Variants in AKR1D1 observed in about 807,000 individuals in gnomAD.
AKR1D1 encodes aldo-keto reductase family 1 member D1, also known as delta(4)-3-ketosteroid 5-beta-reductase.
A neutral mutation model predicts 42.6 loss-of-function variants in AKR1D1; 32 were observed. That is an observed-to-expected ratio of 0.75 (90% confidence interval 0.57 to 1.01). The LOEUF (loss-of-function observed/expected upper bound fraction) is 1.01. AKR1D1 is among the 50% of genes least tolerant of loss of function. AKR1D1 has a pLI of 0.00. For missense variants in AKR1D1, 364 were observed against 402.2 expected, an observed-to-expected ratio of 0.91 and a Z score of 0.81; for synonymous variants, 123 against 135.5, an observed-to-expected ratio of 0.91 and a Z score of 0.64.
intron 5 of AKR1D1, among the ~76,000 whole-genome samples, chr7:138,106,207 T>C (rs1393808176): frequency 4.6e-5 from 7 of 152,200 alleles, no homozygotes; most frequent in Non-Finnish European, 8.8e-5. Context: ...TTTGTCAATA[T>C]GTATCAAGGG....
At chr7:138,093,101 G>A (rs1457622372) in intron 3 of AKR1D1, among the ~76,000 whole-genome samples, 4 of 140,472 alleles carry the variant, frequency 2.8e-5, no homozygotes, top group African/African-American at 8.3e-5. Flanking sequence ...ACAGAGTCTC[G>A]CTCTGTTGCC....
At position 138,088,993 on chromosome 7, in the gene AKR1D1, G is replaced by A. The variant is rs147784776; in HGVS notation, c.261+225G>A. On this transcript the variant is annotated intron_variant, in intron 2 of 8. Coordinates refer to ENST00000242375, the MANE Select transcript of AKR1D1 (RefSeq NM_005989.4). ...TTCAACATTCTTGTATCATATTAAC[G>A]AATTATTTATTAGTTTGGGAGAAGT... Among the ~76,000 whole-genome samples, 654 of 152,144 alleles carry A rather than the reference G, an allele frequency of 4.3e-3. 9 individuals carry two copies. The highest frequency in any genetic ancestry group is 0.015 in the African/African-American group (625 of 41,500).
At chr7:138,083,538 G>T (rs1803102373) in intron 1 of AKR1D1, among the ~76,000 whole-genome samples, 1 of 152,086 alleles carries the variant, frequency 6.6e-6, no homozygotes, top group Admixed American at 6.6e-5. Flanking sequence ...TCCATAAGTT[G>T]CCTTTTAACT....
intron 1 of AKR1D1, among the ~76,000 whole-genome samples, chr7:138,083,040 T>G (rs1301194183): frequency 6.6e-6 from 1 of 152,330 alleles, no homozygotes; most frequent in South Asian, 2.1e-4. Flanking sequence ...GATTGCTGGA[T>G]CATATGGTAG....
At chr7:138,077,883 T>C (rs1802973696) in intron 1 of AKR1D1, among the ~76,000 whole-genome samples, 1 of 152,182 alleles carries the variant, frequency 6.6e-6, no homozygotes, top group Non-Finnish European at 1.5e-5. Context: ...AGGGAGTTAA[T>C]GGTGATGGCA....
Position 138,076,598 on chromosome 7 carries a change from C to T in AKR1D1, c.80C>T (p.Ser27Leu). Residue 27 changes from serine to leucine, a missense_variant, in exon 1 of 9, where the codon TCA (serine) becomes TTA (leucine). Coordinates refer to ENST00000242375, the MANE Select transcript of AKR1D1 (RefSeq NM_005989.4). Reference protein sequence around the residue: ...SIPIIGLGTYSEPKSTPKGAC... With the variant: ...SIPIIGLGTYLEPKSTPKGAC... Reference sequence around the variant, plus strand: ...CCCATCATCGGACTTGGTACCTACTCAGAACCTAAATCGGTAAGCTTATTT... The same window carrying T: ...CCCATCATCGGACTTGGTACCTACTTAGAACCTAAATCGGTAAGCTTATTT... 6.2e-7 allele frequency: 1 copy of T among 1,612,594 alleles called. No individual in the cohort carries two copies. Among genetic ancestry groups the T allele is most frequent in the Non-Finnish European group, 8.5e-7 (1 of 1,178,996 alleles).
At chr7:138,116,583 G>T (rs145469170) in intron 8 of AKR1D1, 37 bp from the exon 9 acceptor site, 1 of 1,613,972 alleles carries the variant, frequency 6.2e-7, no homozygotes, top group East Asian at 2.2e-5. Context: ...TGCAATTTTT[G>T]AGTGAACTTT....
Position 138,088,759 on chromosome 7 carries a change from C to T in AKR1D1, c.252C>T (p.Tyr84=). 1 of 1,598,698 alleles carries T rather than the reference C, an allele frequency of 6.3e-7. No individual in the cohort carries two copies. The highest frequency in any genetic ancestry group is 1.7e-4 in the Middle Eastern group (1 of 6,018). ...EGKVRREDIF[Y]CGKLWATNHV... The stretch of plus-strand genomic sequence containing the variant: ...AGGTGCGGAGGGAAGATATCTTCTA[C>T]TGTGGAAAGGTGAGATCTTGCCTTC... The change falls in exon 2 of 9, where the codon TAC becomes TAT. Residue 84 remains tyrosine, a synonymous_variant. Transcript: ENST00000242375.
intron 8 of AKR1D1, among the ~76,000 whole-genome samples, chr7:138,114,677 AAAG>A (rs989975189): frequency 3.3e-5 from 5 of 151,510 alleles, no homozygotes; most frequent in African/African-American, 4.8e-5. Context: ...AAAAAAAAAA[AAAG>A]AATATATTTG....
chr7:138,101,249 G>T (rs1332062793), intron 4 of AKR1D1, among the ~76,000 whole-genome samples: 2 of 131,184 alleles, frequency 1.5e-5, no homozygotes, highest in East Asian at 5.2e-4. Flanking sequence ...GCCCAGGCTG[G>T]AGTGCAGTGG....
rs57128808 is a variant in AKR1D1, at chr7:138,099,873, G to GA, written c.456+1941dup. Among the ~76,000 whole-genome samples the GA allele has an allele frequency of 5.8e-4, 82 of 140,690 alleles. 1 individual carries two copies. The highest frequency in any genetic ancestry group is 1.7e-3 in the African/African-American group (63 of 36,782). 92.3% of individuals were successfully genotyped at this position (140,690 alleles called of 152,430 possible). A position where few individuals can be genotyped will look rare whatever the true frequency, so the allele number is the denominator to read the frequency against. On this transcript the variant is annotated intron_variant, in intron 4 of 8. Coordinates refer to ENST00000242375, the MANE Select transcript of AKR1D1 (RefSeq NM_005989.4). ...AAAAAAAAGGGGGGTAATAGTTAAA[G>GA]AAAAAAAAAAACACGAAGATCTTAA...
chr7:138,092,014 A>G, intron 3 of AKR1D1, 130 bp downstream of exon 3: 3 of 619,874 alleles, frequency 4.8e-6, no homozygotes, highest in Non-Finnish European at 8.6e-6. Context: ...GCCAATAGCT[A>G]TGTGCATGAA....
chr7:138,076,838 A>G (rs1802949052), intron 1 of AKR1D1, among the ~76,000 whole-genome samples: 1 of 152,210 alleles, frequency 6.6e-6, no homozygotes, highest in Admixed American at 6.5e-5. Flanking sequence ...TTAGAGAAGG[A>G]GAATTTTCTG....
rs1794669764 is a variant in AKR1D1, at chr7:138,117,884, T to A, written c.*1222T>A. ...AATACAAAAAATTAGCCAGGCGCGGTGGCGGGGGCCTGTAATCCCAGCTAC... is the reference window on the plus strand; with the variant it reads ...AATACAAAAAATTAGCCAGGCGCGGAGGCGGGGGCCTGTAATCCCAGCTAC... On this transcript the variant is annotated 3_prime_UTR_variant, in exon 9 of 9. Transcript: ENST00000242375. 6.6e-6 allele frequency: 1 copy of A among 152,144 alleles called. No homozygotes were observed. The highest frequency in any genetic ancestry group is 6.5e-5 in the Admixed American group (1 of 15,284). The allele number at this position is 152,144 out of a possible 1,614,324, so 9.4% of individuals were successfully genotyped here.
At chr7:138,090,983 C>T (rs1261053130) in intron 2 of AKR1D1, among the ~76,000 whole-genome samples, 2 of 152,186 alleles carry the variant, frequency 1.3e-5, no homozygotes, top group Non-Finnish European at 2.9e-5. Context: ...GTGAAGGACC[C>T]AGTGAAGCCA....
chr7:138,109,020 A>G (rs1275523108), intron 7 of AKR1D1, among the ~76,000 whole-genome samples: 1 of 152,194 alleles, frequency 6.6e-6, no homozygotes, highest in Non-Finnish European at 1.5e-5. Context: ...ACATGGGTGC[A>G]CACACACAGA....
At chr7:138,083,607 C>T (rs777694492) in intron 1 of AKR1D1, among the ~76,000 whole-genome samples, 2 of 152,100 alleles carry the variant, frequency 1.3e-5, no homozygotes, top group Non-Finnish European at 2.9e-5. Flanking sequence ...TACCAACAAC[C>T]TATTTTTGCT....
At chr7:138,089,190 A>C (rs1794012048) in intron 2 of AKR1D1, among the ~76,000 whole-genome samples, 2 of 152,040 alleles carry the variant, frequency 1.3e-5, no homozygotes, top group African/African-American at 4.8e-5. Context: ...TCTACAAAAA[A>C]AAATACAAAA....
intron 1 of AKR1D1, among the ~76,000 whole-genome samples, chr7:138,087,893 CTTTTT>C (rs757196207): frequency 7.3e-6 from 1 of 137,726 alleles, no homozygotes; most frequent in Non-Finnish European, 1.6e-5. Flanking sequence ...CATTTCTTTT[CTTTTT>C]TTTTTTTTTT....
Sources: allele counts gnomAD v4.1 joint callset (sites outside exome capture counted in the v4.1 genomes callset), GRCh38; gene constraint gnomAD v4.1.1; transcripts MANE v1.5; gene names NCBI Gene and HGNC (gene_info 2026-07-23, HGNC 2026-07-21).